Variants in EDEM1 observed in about 807,000 individuals in gnomAD.
EDEM1 encodes the protein ER degradation-enhancing alpha-mannosidase-like protein 1.
Under a neutral mutation model 74.4 loss-of-function variants are expected in EDEM1, and 67 were observed. The observed-to-expected ratio is 0.90, with a 90% CI of 0.74 to 1.10. The LOEUF is 1.10. Among genes scored for constraint, EDEM1 ranks in the 50% least tolerant of loss-of-function variants. The pLI is 0.00. For synonymous variants in EDEM1, 382 were observed against 335.9 expected (o/e 1.14, Z -1.50); for missense variants, 926 against 851.6 (o/e 1.09, Z -1.09).
intron 2 of EDEM1, among the ~76,000 whole-genome samples, chr3:5,197,389 T>C (rs905272920): frequency 6.6e-6 from 1 of 152,160 alleles, no homozygotes; most frequent in African/African-American, 2.4e-5. Flanking sequence ...CCCATTTAGC[T>C]CCTCTGTCCC....
In EDEM1 at chr3:5,187,958, C is replaced by G; in HGVS notation, c.153C>G (p.Gly51=). The G allele has an allele frequency of 1.3e-6, 2 of 1,561,234 alleles. 1 individual carries two copies. The highest frequency in any genetic ancestry group is 2.3e-5 in the South Asian group (2 of 85,548). Residue 51 remains glycine (G), a synonymous_variant, in exon 1 of 12, where the codon GGC becomes GGG. Coordinates refer to ENST00000256497, the MANE Select transcript of EDEM1 (RefSeq NM_014674.3). ...TCCAGCGTCTGAGGAGCCCCGACGG[C>G]CCCGCGTCGCCCACCTCGGGGCCCG... ...FGFQRLRSPD[G]PASPTSGPVG...
intron 2 of EDEM1, among the ~76,000 whole-genome samples, chr3:5,198,159 T>G (rs952495711): frequency 6.6e-6 from 1 of 152,106 alleles, no homozygotes; most frequent in African/African-American, 2.4e-5. Flanking sequence ...GCAGTTCTTG[T>G]GCCTCAGCCT....
At chr3:5,210,024 T>C (rs747660062) in intron 8 of EDEM1, 151 bp from the exon 9 acceptor site, 68 of 663,044 alleles carry the variant, frequency 1.0e-4, no homozygotes, top group Non-Finnish European at 1.5e-4. Flanking sequence ...CCTCTAACCA[T>C]TGTGACCCTG....
Position 5,213,394 on chromosome 3 carries a change from G to A in EDEM1, c.1756G>A (p.Val586Met). 1.2e-6 allele frequency: 2 copies of A among 1,614,164 alleles called. No individual in the cohort carries two copies. Among genetic ancestry groups the A allele is most frequent in the South Asian group, 1.1e-5 (1 of 91,060 alleles). The change falls in exon 11 of 12, where the codon GTG (valine) becomes ATG (methionine). Residue 586 changes from valine to methionine, a missense_variant. Physicochemically the swap from Val to Met is conservative, Grantham distance 21. Transcript: ENST00000256497. ...CACAACAGAGGGACACATTGTATCT[G>A]TGGATGAGCATCTTCGGGAATTGCC... is the stretch of plus-strand genomic sequence containing the variant. ...MFTTEGHIVS[V>M]DEHLRELPWK...
chr3:5,194,194 A>G (rs1474330246), intron 1 of EDEM1, among the ~76,000 whole-genome samples: 1 of 152,244 alleles, frequency 6.6e-6, no homozygotes, highest in African/African-American at 2.4e-5. Context: ...ATATCAATGC[A>G]TCTTGCTGGA....
chr3:5,210,737 TAAATAATAAGTCAATACTC>T (rs2055157970), intron 9 of EDEM1, among the ~76,000 whole-genome samples: 3 of 152,034 alleles, frequency 2.0e-5, no homozygotes, highest in Admixed American at 1.3e-4. Context: ...AGTACTATCT[TAAATAATAAGTCAATACTC>T]AAATAATAAG....
chr3:5,193,897 C>T (rs1472660422), intron 1 of EDEM1, among the ~76,000 whole-genome samples: 1 of 152,186 alleles, frequency 6.6e-6, no homozygotes, highest in Admixed American at 6.5e-5. Flanking sequence ...CGCACCCAGC[C>T]TAAAATTTTA....
At chr3:5,203,502 GC>G (rs2055058428) in intron 5 of EDEM1, among the ~76,000 whole-genome samples, 1 of 152,132 alleles carries the variant, frequency 6.6e-6, no homozygotes, top group Admixed American at 6.5e-5. Flanking sequence ...TGATGGAGCA[GC>G]TTTTTCCTTT....
chr3:5,188,232 G>A lies in EDEM1; in HGVS notation c.427G>A (p.Asp143Asn). Residue 143 changes from aspartate (D) to asparagine (N), a missense_variant, in exon 1 of 12, where the codon GAC becomes AAC. By Grantham distance (23) the Asp-to-Asn change is conservative. Coordinates refer to ENST00000256497, the MANE Select transcript of EDEM1 (RefSeq NM_014674.3). ...LARGMFVFGY[D>N]NYMAHAFPQD... ...ACGGGGCATGTTCGTCTTTGGCTACGACAACTACATGGCTCACGCCTTCCC... is the reference window on the plus strand; with the variant it reads ...ACGGGGCATGTTCGTCTTTGGCTACAACAACTACATGGCTCACGCCTTCCC... 6.3e-7 allele frequency: 1 copy of A among 1,585,166 alleles called. No homozygotes were observed. The highest frequency in any genetic ancestry group is 2.4e-5 in the East Asian group (1 of 41,768).
chr3:5,196,524 G>T (rs1318717080), intron 2 of EDEM1, among the ~76,000 whole-genome samples: 1 of 152,094 alleles, frequency 6.6e-6, no homozygotes, highest in African/African-American at 2.4e-5. Context: ...CATTATGATT[G>T]TCTAGTATCT....
chr3:5,193,427 G>T (rs1301999099), intron 1 of EDEM1, among the ~76,000 whole-genome samples: 1 of 151,924 alleles, frequency 6.6e-6, no homozygotes, highest in Non-Finnish European at 1.5e-5. Context: ...TGCTTTGAGG[G>T]GACCTTTTGC....
intron 2 of EDEM1, among the ~76,000 whole-genome samples, chr3:5,196,567 A>C (rs1004979782): frequency 1.3e-5 from 2 of 152,200 alleles, no homozygotes; most frequent in African/African-American, 2.4e-5. Flanking sequence ...ACTTGGAAAG[A>C]GCTTGAGAGA....
intron 3 of EDEM1, 125 bp from the exon 4 acceptor site, chr3:5,201,628 G>A: frequency 9.3e-7 from 1 of 1,070,626 alleles, no homozygotes; most frequent in South Asian, 1.4e-5. Context: ...ATTAAGTCAG[G>A]TCTCTCTGAC....
intron 6 of EDEM1, among the ~76,000 whole-genome samples, chr3:5,206,144 GGAGA>G (rs935494412): frequency 4.6e-5 from 7 of 151,610 alleles, no homozygotes; most frequent in Admixed American, 2.6e-4. Flanking sequence ...CAGGATGACA[GGAGA>G]GAGAGAGCCA....
At chr3:5,204,990 G>A (rs576217891) in intron 5 of EDEM1, 77 bp from the exon 6 acceptor site, 12 of 1,518,440 alleles carry the variant, frequency 7.9e-6, no homozygotes, top group Non-Finnish European at 9.9e-6. Context: ...AGTGTGGTTG[G>A]AGTAGGAGGC....
intron 6 of EDEM1, among the ~76,000 whole-genome samples, chr3:5,205,728 G>C (rs1444671806): frequency 6.6e-6 from 1 of 152,248 alleles, no homozygotes; most frequent in Non-Finnish European, 1.5e-5. Context: ...CCCCCAGAGT[G>C]AGTGATCTGA....
rs559558900 is a variant in EDEM1, at chr3:5,190,357, A to G, written c.509+2043A>G. 1.4e-3 allele frequency among the ~76,000 whole-genome samples: 209 copies of G among 152,370 alleles called. 1 individual carries two copies. Among genetic ancestry groups the G allele is most frequent in the South Asian group, 0.011 (53 of 4,834 alleles). ...GTGGACTGAAGTTGAAAACAGTTTA[A>G]CGGGGAATTGTGATAACACTTTCAT... On this transcript the variant is annotated intron_variant, in intron 1 of 11. Coordinates refer to ENST00000256497, the MANE Select transcript of EDEM1 (RefSeq NM_014674.3).
chr3:5,214,648 G>A (rs1214607857), intron 11 of EDEM1, among the ~76,000 whole-genome samples: 1 of 152,316 alleles, frequency 6.6e-6, no homozygotes, highest in South Asian at 2.1e-4. Context: ...AGCCCTGTGA[G>A]GGGTGGTTAC....
intron 5 of EDEM1, 47 bp from the exon 6 acceptor site, chr3:5,205,020 C>T: frequency 6.3e-7 from 1 of 1,599,082 alleles, no homozygotes; most frequent in Non-Finnish European, 8.5e-7. Flanking sequence ...TTCATGTCCT[C>T]CCCGATGAGA....
Sources: allele counts gnomAD v4.1 joint callset (sites outside exome capture counted in the v4.1 genomes callset), GRCh38; gene constraint gnomAD v4.1.1; transcripts MANE v1.5; gene names NCBI Gene and HGNC (gene_info 2026-07-23, HGNC 2026-07-21).